The following COLEC11 variants were observed in gnomAD, a reference collection of about 807,000 sequenced individuals.
COLEC11 encodes collectin-11.
A neutral mutation model predicts 27.3 loss-of-function variants in COLEC11; 20 were observed. The ratio of observed to expected loss-of-function variants is 0.73; its 90% CI spans 0.51 to 1.06. COLEC11 has a LOEUF of 1.06. Among genes scored for constraint, COLEC11 ranks in the 50% least tolerant of loss-of-function variants. The probability of loss-of-function intolerance (pLI) is 0.00; values close to 1 mark genes in which losing one functional copy is unlikely to be tolerated. For synonymous variants in COLEC11, 163 were observed against 154.7 expected (o/e 1.05, Z -0.40); for missense variants, 310 against 383.0 (o/e 0.81, Z 1.59).
rs551686772 is a variant in COLEC11, at chr2:3,623,836, G to A, written c.202+10454G>A. On this transcript the variant is annotated intron_variant, in intron 3 of 6. Transcript: ENST00000349077. ...ATTTCTTTGGGATTGGTTTACTAGAGTATTATTGTGTTCCTTTGGTAATGT... is the reference window on the plus strand; with the variant it reads ...ATTTCTTTGGGATTGGTTTACTAGAATATTATTGTGTTCCTTTGGTAATGT... Among the ~76,000 whole-genome samples, 338 of 152,280 alleles carry A rather than the reference G, an allele frequency of 2.2e-3. 1 individual carries two copies. The highest frequency in any genetic ancestry group is 0.01 in the South Asian group (49 of 4,826).
rs549631331 is a variant in COLEC11, at chr2:3,619,942, A to G, written c.202+6560A>G. ...CTCCCGGCCGTGTATAATCTTTTTA[A>G]TGTGCTGTTAAATTTGGTTTGCTAG... On this transcript the variant is annotated intron_variant, in intron 3 of 6. Transcript: ENST00000349077. Among the ~76,000 whole-genome samples, 3 of 152,240 alleles carry G rather than the reference A, an allele frequency of 2.0e-5. No homozygotes were observed. The South Asian group carries it at 6.2e-4, about 32-fold the overall frequency.
At chr2:3,604,860 C>T (rs1418209056) in intron 2 of COLEC11, 5 of 371,644 alleles carry the variant, frequency 1.3e-5, no homozygotes, top group Admixed American at 3.8e-5. Flanking sequence ...GTTAAGTTCC[C>T]AAAGTGTGCT....
chr2:3,621,048 A>G (rs576898171), intron 3 of COLEC11, among the ~76,000 whole-genome samples: 3 of 152,302 alleles, frequency 2.0e-5, no homozygotes, highest in Non-Finnish European at 2.9e-5. Flanking sequence ...CATTCGGTCT[A>G]AAGTGTAGTT....
intron 4 of COLEC11, among the ~76,000 whole-genome samples, 174 bp downstream of exon 4, chr2:3,637,778 GT>G: frequency 6.6e-6 from 1 of 152,326 alleles, no homozygotes; most frequent in East Asian, 1.9e-4. Context: ...CTTGGAGCTA[GT>G]TGCTGGCTCT....
chr2:3,637,723 C>T (rs946273616), intron 4 of COLEC11, 119 bp downstream of exon 4: 8 of 848,950 alleles, frequency 9.4e-6, no homozygotes, highest in African/African-American at 5.0e-5. Context: ...ATATTCGGTG[C>T]ATGGTAGATA....
intron 5 of COLEC11, chr2:3,641,492 C>T: frequency 1.7e-6 from 2 of 1,176,266 alleles, no homozygotes; most frequent in South Asian, 1.5e-5. Flanking sequence ...CTGCTATCGT[C>T]AGGCCTAGCT....
chr2:3,628,870 C>A (rs907063853), intron 3 of COLEC11, among the ~76,000 whole-genome samples: 1 of 152,220 alleles, frequency 6.6e-6, no homozygotes, highest in Non-Finnish European at 1.5e-5. Flanking sequence ...CGCAGCACTG[C>A]TCACAATGGT....
rs182930853 is a variant in COLEC11, at chr2:3,612,735, C to T, written c.131-576C>T. ...GTAGGGTGTCTCCACCAGTGATTCA[C>T]CCTCTGTCTCCTGCACCTGCTGAGC... On this transcript the variant is annotated intron_variant, in intron 2 of 6. Transcript: ENST00000349077. Among the ~76,000 whole-genome samples, 369 of 152,268 alleles carry T rather than the reference C, an allele frequency of 2.4e-3. 3 individuals carry two copies. The highest frequency in any genetic ancestry group is 3.4e-3 in the Non-Finnish European group (231 of 68,022).
intron 3 of COLEC11, among the ~76,000 whole-genome samples, chr2:3,634,984 C>G (rs1572463198): frequency 1.3e-5 from 2 of 152,018 alleles, no homozygotes; most frequent in African/African-American, 4.8e-5. Context: ...GGTTCCTCCC[C>G]CAGCTCCTCT....
At chr2:3,628,036 C>T (rs182921743) in intron 3 of COLEC11, among the ~76,000 whole-genome samples, 5 of 152,332 alleles carry the variant, frequency 3.3e-5, no homozygotes, top group East Asian at 1.9e-4. Context: ...CTTCACAGGG[C>T]GTTGCTGCCA....
chr2:3,606,885 G>A (rs1293612352), intron 2 of COLEC11, among the ~76,000 whole-genome samples: 4 of 152,186 alleles, frequency 2.6e-5, no homozygotes, highest in African/African-American at 9.7e-5. Flanking sequence ...GGCAGCGTGC[G>A]GCACAGTGCC....
At chr2:3,603,996 C>T (rs566389291) in intron 1 of COLEC11, 6 of 567,300 alleles carry the variant, frequency 1.1e-5, no homozygotes, top group Non-Finnish European at 1.9e-5. Flanking sequence ...ACCCCTACTC[C>T]ACTCTGTGTA....
intron 1 of COLEC11, among the ~76,000 whole-genome samples, chr2:3,596,292 C>T (rs1366494054): frequency 6.6e-6 from 1 of 151,406 alleles, no homozygotes; most frequent in Non-Finnish European, 1.5e-5. Context: ...AGTAGAATAG[C>T]ATGTTTGGCA....
At chr2:3,605,128 G>T (rs941166211) in intron 2 of COLEC11, 2 of 468,072 alleles carry the variant, frequency 4.3e-6, no homozygotes, top group Non-Finnish European at 8.8e-6. Context: ...GAGGCAACAG[G>T]TCCCCAAGCC....
At chr2:3,630,373 A>G (rs571242838) in intron 3 of COLEC11, among the ~76,000 whole-genome samples, 2 of 152,352 alleles carry the variant, frequency 1.3e-5, no homozygotes, top group Non-Finnish European at 2.9e-5. Flanking sequence ...TATAAACTTT[A>G]TTTCTCAATA....
intron 2 of COLEC11, among the ~76,000 whole-genome samples, chr2:3,612,868 G>A (rs1036157373): frequency 6.6e-6 from 1 of 152,124 alleles, no homozygotes; most frequent in African/African-American, 2.4e-5. Context: ...TGGGGCCAGT[G>A]GGATGCTGAC....
chr2:3,604,031 A>C, intron 1 of COLEC11: 1 of 574,742 alleles, frequency 1.7e-6, no homozygotes, highest in East Asian at 2.9e-5. Context: ...CAGAGATCAG[A>C]TCGAACTCCT....
chr2:3,633,091 CAG>C (rs1467793833), intron 3 of COLEC11, among the ~76,000 whole-genome samples: 3 of 152,212 alleles, frequency 2.0e-5, no homozygotes, highest in Non-Finnish European at 2.9e-5. Flanking sequence ...AGGACAGTGA[CAG>C]GGAGAGAGAA....
At chr2:3,606,357 C>T (rs1662699155) in intron 2 of COLEC11, 2 of 887,512 alleles carry the variant, frequency 2.3e-6, no homozygotes, top group South Asian at 3.1e-5. Context: ...GTCCTGGGTC[C>T]CCTGGATGTG....
Sources: gnomAD v4.1 joint callset for allele counts (sites outside exome capture counted in the v4.1 genomes callset) on GRCh38, gnomAD v4.1.1 for gene constraint, MANE v1.5 for transcripts, NCBI Gene and HGNC (gene_info 2026-07-23, HGNC 2026-07-21) for gene names.